The following PUM1 variants were observed in gnomAD, a reference collection of about 807,000 sequenced individuals.
PUM1 encodes the protein pumilio RNA binding family member 1.
Under a neutral mutation model 131.8 loss-of-function variants are expected in PUM1, and 13 were observed. The observed-to-expected ratio is 0.10, with a 90% CI of 0.06 to 0.16. PUM1 has a LOEUF of 0.16. PUM1 is among the 10% of genes least tolerant of loss of function. The probability of loss-of-function intolerance (pLI) is 1.00; values close to 1 mark genes in which losing one functional copy is unlikely to be tolerated. For missense variants in PUM1, 961 were observed against 1,512.4 expected (o/e 0.64, Z 6.05); for synonymous variants, 509 against 556.5 (o/e 0.91, Z 1.20).
chr1:30,976,867 C>T (rs1004392892), intron 9 of PUM1, among the ~76,000 whole-genome samples: 3 of 150,922 alleles, frequency 2.0e-5, no homozygotes, highest in African/African-American at 7.3e-5. Flanking sequence ...GCCTCATACT[C>T]ATTTGATTAG....
chr1:31,006,700 C>G (rs1400406567), intron 4 of PUM1, among the ~76,000 whole-genome samples: 3 of 152,138 alleles, frequency 2.0e-5, no homozygotes, highest in Non-Finnish European at 4.4e-5. Context: ...TTTTCTAATT[C>G]CAAGTATGCT....
intron 1 of PUM1, among the ~76,000 whole-genome samples, chr1:31,064,058 C>T (rs1644427595): frequency 6.6e-6 from 1 of 152,202 alleles, no homozygotes; most frequent in African/African-American, 2.4e-5. Context: ...CTCAGTCCAG[C>T]TACTCTTTCA....
At chr1:31,025,836 G>A (rs1643202367) in intron 3 of PUM1, among the ~76,000 whole-genome samples, 1 of 151,996 alleles carries the variant, frequency 6.6e-6, no homozygotes, top group Admixed American at 6.6e-5. Context: ...CATTCCAGGC[G>A]TGAGCCACCA....
intron 20 of PUM1, among the ~76,000 whole-genome samples, chr1:30,937,689 C>T (rs1639269934): frequency 6.6e-6 from 1 of 152,068 alleles, no homozygotes; most frequent in South Asian, 2.1e-4. Context: ...TTAGAGATGA[C>T]AGAAGAGTCA....
At chr1:30,965,149 T>C (rs949975611) in intron 13 of PUM1, among the ~76,000 whole-genome samples, 1 of 152,138 alleles carries the variant, frequency 6.6e-6, no homozygotes, top group Non-Finnish European at 1.5e-5. Context: ...TCGTATATTA[T>C]AGGATAAGGG....
intron 13 of PUM1, among the ~76,000 whole-genome samples, chr1:30,965,653 A>G (rs534281207): frequency 6.6e-6 from 1 of 152,352 alleles, no homozygotes; most frequent in East Asian, 1.9e-4. Context: ...CAGCTCTGCT[A>G]TCTTTAGTAA....
chr1:30,986,490 G>C (rs1641564591), intron 7 of PUM1, among the ~76,000 whole-genome samples: 1 of 151,884 alleles, frequency 6.6e-6, no homozygotes, highest in African/African-American at 2.4e-5. Context: ...CTACTGCAAT[G>C]ATCAACTAAT....
intron 7 of PUM1, among the ~76,000 whole-genome samples, chr1:30,990,024 A>G (rs1375512224): frequency 6.6e-6 from 1 of 152,246 alleles, no homozygotes; most frequent in Non-Finnish European, 1.5e-5. Flanking sequence ...GATATTATAC[A>G]GCATAGTTAT....
intron 20 of PUM1, among the ~76,000 whole-genome samples, chr1:30,937,665 G>C (rs1283875379): frequency 6.6e-6 from 1 of 152,066 alleles, no homozygotes; most frequent in African/African-American, 2.4e-5. Flanking sequence ...TTACTGTATG[G>C]CTTTAATAGT....
intron 20 of PUM1, among the ~76,000 whole-genome samples, chr1:30,937,655 T>C (rs930032522): frequency 3.3e-5 from 5 of 152,060 alleles, no homozygotes; most frequent in African/African-American, 1.2e-4. Context: ...GAAATAAAAT[T>C]TACTGTATGG....
chr1:31,032,364 A>G (rs1253633945), intron 2 of PUM1, among the ~76,000 whole-genome samples: 1 of 152,242 alleles, frequency 6.6e-6, no homozygotes, highest in East Asian at 1.9e-4. Flanking sequence ...AGAAGGGAGA[A>G]GTATTTTCCA....
At chr1:31,016,012 T>C (rs1642805068) in intron 3 of PUM1, among the ~76,000 whole-genome samples, 1 of 152,154 alleles carries the variant, frequency 6.6e-6, no homozygotes, top group South Asian at 2.1e-4. Context: ...TTAATAGCAA[T>C]TTTAAGAAGA....
At chr1:30,992,800 C>T in intron 6 of PUM1, 140 bp from the exon 7 acceptor site, 1 of 728,026 alleles carries the variant, frequency 1.4e-6, no homozygotes, top group Non-Finnish European at 2.2e-6. Context: ...ACCAGAGATA[C>T]TTTACAGGGC....
At chr1:31,040,434 A>G (rs534626793) in intron 2 of PUM1, among the ~76,000 whole-genome samples, 1 of 152,314 alleles carries the variant, frequency 6.6e-6, no homozygotes, top group South Asian at 2.1e-4. Flanking sequence ...AAGATGAGGA[A>G]AAGGCCAGGT....
chr1:30,995,963 C>T (rs982306463), intron 5 of PUM1, among the ~76,000 whole-genome samples: 10 of 152,164 alleles, frequency 6.6e-5, no homozygotes, highest in Non-Finnish European at 1.5e-4. Context: ...CATGAGATCT[C>T]TAAGTGGGAG....
At chr1:30,983,332 G>A (rs894516014) in intron 7 of PUM1, among the ~76,000 whole-genome samples, 52 of 152,172 alleles carry the variant, frequency 3.4e-4, no homozygotes, top group African/African-American at 1.2e-3. Context: ...TGGGTTTCTG[G>A]AATTTTCTTG....
chr1:30,981,216 T>TTA, intron 8 of PUM1, 96 bp downstream of exon 8: 1 of 726,160 alleles, frequency 1.4e-6, no homozygotes, highest in Non-Finnish European at 2.2e-6. Context: ...GTCTGAACTT[T>TTA]TATAATCAGT....
intron 9 of PUM1, among the ~76,000 whole-genome samples, chr1:30,975,359 T>G (rs867076053): frequency 9.0e-4 from 121 of 134,114 alleles, no homozygotes; most frequent in African/African-American, 3.1e-3. Flanking sequence ...TTTTTTTGTT[T>G]TTTTGTTTTT....
chr1:31,030,619 G>A (rs1643388882), intron 2 of PUM1, among the ~76,000 whole-genome samples: 1 of 152,062 alleles, frequency 6.6e-6, no homozygotes, highest in Non-Finnish European at 1.5e-5. Flanking sequence ...GCTGAGGTGG[G>A]AAGATAGCCT....
Sources: gnomAD v4.1 joint callset for allele counts (sites outside exome capture counted in the v4.1 genomes callset) on GRCh38, gnomAD v4.1.1 for gene constraint, MANE v1.5 for transcripts, NCBI Gene and HGNC (gene_info 2026-07-23, HGNC 2026-07-21) for gene names.